The following AMD1 variants were observed in gnomAD, a reference collection of about 807,000 sequenced individuals.
AMD1 encodes the protein S-adenosylmethionine decarboxylase proenzyme.
A neutral mutation model predicts 40.2 loss-of-function variants in AMD1; 11 were observed. The observed-to-expected ratio is 0.27, with a 90% CI of 0.17 to 0.45. AMD1 has a LOEUF of 0.45. Ranked by LOEUF, AMD1 falls within the 20% of genes least tolerant of loss-of-function variation. The pLI is 1.00. For missense variants in AMD1, 257 were observed against 410.2 expected (o/e 0.63, Z 3.23); for synonymous variants, 121 against 130.8 (o/e 0.93, Z 0.51).
At chr6:110,814,965 G>A in the AMD1 span, 6 of 1,596,690 alleles carry the variant, frequency 3.8e-6, no homozygotes, top group Admixed American at 6.8e-5. Context: ...TCGCGGGCAG[G>A]GCGAGGACCC....
chr6:110,869,857 A>G (rs1451949817), upstream of AMD1, among the ~76,000 whole-genome samples: 1 of 152,230 alleles, frequency 6.6e-6, no homozygotes, highest in Admixed American at 6.5e-5. Flanking sequence ...AAGTCCCACA[A>G]CAGCCTTGGG....
At chr6:110,893,153 G>A (rs1401545551) in intron 8 of AMD1, 88 bp downstream of exon 8, 2 of 1,204,818 alleles carry the variant, frequency 1.7e-6, no homozygotes, top group African/African-American at 1.6e-5. Flanking sequence ...TGTATTCTGA[G>A]ATAGCACATA....
upstream of AMD1, among the ~76,000 whole-genome samples, chr6:110,874,491 T>A (rs1784986451): frequency 6.6e-6 from 1 of 151,432 alleles, no homozygotes; most frequent in Admixed American, 6.6e-5. Context: ...GCACAGCCTT[T>A]CCTCATTCCG....
chr6:110,861,472 C>G, the AMD1 span, among the ~76,000 whole-genome samples: 2 of 151,546 alleles, frequency 1.3e-5, no homozygotes, highest in East Asian at 3.9e-4. Flanking sequence ...TGCACTGAGC[C>G]GAGATCATGC....
chr6:110,827,720 G>A, the AMD1 span, among the ~76,000 whole-genome samples: 3 of 149,296 alleles, frequency 2.0e-5, no homozygotes, highest in Admixed American at 6.7e-5. Flanking sequence ...AGCTGAGATC[G>A]TGCCACTGCA....
At chr6:110,841,325 G>T in the AMD1 span, among the ~76,000 whole-genome samples, 1 of 152,172 alleles carries the variant, frequency 6.6e-6, no homozygotes. Flanking sequence ...AAGCCTCCTT[G>T]CTTTGTGCTA....
At chr6:110,851,258 G>A in the AMD1 span, among the ~76,000 whole-genome samples, 4 of 152,094 alleles carry the variant, frequency 2.6e-5, no homozygotes, top group Non-Finnish European at 5.9e-5. Context: ...GAGCCACCAC[G>A]CCCGGCCTTT....
chr6:110,857,808 G>GTA, the AMD1 span, among the ~76,000 whole-genome samples: 10 of 146,258 alleles, frequency 6.8e-5, no homozygotes, highest in Non-Finnish European at 7.5e-5. Context: ...TATATAGATG[G>GTA]TATATATATA....
chr6:110,883,087 T>C (rs1376286262), intron 1 of AMD1, among the ~76,000 whole-genome samples: 1 of 152,176 alleles, frequency 6.6e-6, no homozygotes, highest in African/African-American at 2.4e-5. Context: ...ATTGTGCCAT[T>C]GTTCTCCAGC....
At chr6:110,834,534 TA>T in the AMD1 span, among the ~76,000 whole-genome samples, 14 of 152,230 alleles carry the variant, frequency 9.2e-5, no homozygotes, top group South Asian at 2.7e-3. Flanking sequence ...TACATTTTTT[TA>T]AATCTCACTG....
intron 1 of AMD1, among the ~76,000 whole-genome samples, chr6:110,884,715 C>CTTTA (rs1785593922): frequency 6.6e-6 from 1 of 152,022 alleles, no homozygotes; most frequent in South Asian, 2.1e-4. Flanking sequence ...CCACAACAGC[C>CTTTA]TTTAAAAAAA....
At chr6:110,840,696 A>AT in the AMD1 span, among the ~76,000 whole-genome samples, 1 of 142,970 alleles carries the variant, frequency 7.0e-6, no homozygotes, top group Admixed American at 7.0e-5. Flanking sequence ...CTCCCAGGGT[A>AT]TAGAGCAGGG....
At chr6:110,822,039 TAAAC>T in the AMD1 span, among the ~76,000 whole-genome samples, 2 of 151,726 alleles carry the variant, frequency 1.3e-5, no homozygotes, top group East Asian at 1.9e-4. Context: ...CTTGAAAACA[TAAAC>T]AAAATCAATA....
At chr6:110,882,827 G>C (rs1785481287) in intron 1 of AMD1, among the ~76,000 whole-genome samples, 1 of 152,202 alleles carries the variant, frequency 6.6e-6, no homozygotes, top group African/African-American at 2.4e-5. Flanking sequence ...GTGAGTATAA[G>C]AGCATTTTGA....
chr6:110,883,483 T>C (rs1488478896), intron 1 of AMD1, among the ~76,000 whole-genome samples: 4 of 152,196 alleles, frequency 2.6e-5, no homozygotes, highest in Non-Finnish European at 5.9e-5. Flanking sequence ...GGAAGAAATC[T>C]CTTTTTTGCT....
At chr6:110,877,567 G>C (rs2115273735) in intron 1 of AMD1, among the ~76,000 whole-genome samples, 1 of 152,360 alleles carries the variant, frequency 6.6e-6, no homozygotes, top group Non-Finnish European at 1.5e-5. Flanking sequence ...CATAGCCTCT[G>C]GAATAACAAG....
At chr6:110,861,701 G>C in the AMD1 span, among the ~76,000 whole-genome samples, 1 of 146,458 alleles carries the variant, frequency 6.8e-6, no homozygotes, top group Non-Finnish European at 1.5e-5. Flanking sequence ...AACTAACCAG[G>C]CGTGGTGGTA....
chr6:110,848,396 C>T, the AMD1 span: 1 of 170,698 alleles, frequency 5.9e-6, no homozygotes. Context: ...ATGGCAAGCA[C>T]CTGTAATCCC....
At chr6:110,875,506 G>A in intron 1 of AMD1, 1 of 306,068 alleles carries the variant, frequency 3.3e-6, no homozygotes, top group Non-Finnish European at 6.0e-6. Flanking sequence ...TGGGCGGCGG[G>A]CGGCGCGGCC....
Sources: gnomAD v4.1 joint callset for allele counts (sites outside exome capture counted in the v4.1 genomes callset) on GRCh38, gnomAD v4.1.1 for gene constraint, MANE v1.5 for transcripts, NCBI Gene and HGNC (gene_info 2026-07-23, HGNC 2026-07-21) for gene names.